The following TRIQK variants were observed in gnomAD, a reference collection of about 807,000 sequenced individuals.
TRIQK encodes the protein triple QxxK/R motif-containing protein.
A neutral mutation model predicts 10.8 loss-of-function variants in TRIQK; 10 were observed. That is an observed-to-expected ratio of 0.92 (90% CI 0.57 to 1.57). The LOEUF is 1.57. Among genes scored for constraint, TRIQK ranks in the 40% most tolerant of loss-of-function variants. The probability of loss-of-function intolerance (pLI) is 0.00; values close to 1 mark genes in which losing one functional copy is unlikely to be tolerated. For missense variants in TRIQK, 107 were observed against 97.7 expected, an observed-to-expected ratio of 1.09 and a Z score of -0.40; for synonymous variants, 33 against 33.7, an observed-to-expected ratio of 0.98 and a Z score of 0.07.
At chr8:92,945,256 CT>C (rs1811471090) in intron 2 of TRIQK, among the ~76,000 whole-genome samples, 1 of 152,142 alleles carries the variant, frequency 6.6e-6, no homozygotes, top group Non-Finnish European at 1.5e-5. Context: ...GTTGCTTCCC[CT>C]GTAGTGAAGA....
chr8:92,903,303 T>C (rs1026079887), intron 3 of TRIQK, among the ~76,000 whole-genome samples: 1 of 151,870 alleles, frequency 6.6e-6, no homozygotes, highest in Non-Finnish European at 1.5e-5. Context: ...GCTTTGACAT[T>C]TGTCATTGGT....
At chr8:92,911,240 T>C (rs1273664750) in intron 3 of TRIQK, among the ~76,000 whole-genome samples, 4 of 150,852 alleles carry the variant, frequency 2.7e-5, no homozygotes, top group Non-Finnish European at 5.9e-5. Flanking sequence ...AAAAAACTAA[T>C]AATAGATACA....
intron 1 of TRIQK, among the ~76,000 whole-genome samples, chr8:92,977,369 T>TC (rs1812943858): frequency 6.6e-6 from 1 of 151,992 alleles, no homozygotes; most frequent in African/African-American, 2.4e-5. Context: ...TCTCTTTTTT[T>TC]CTCTCTGTAT....
At chr8:92,940,627 A>G (rs1811220918) in intron 2 of TRIQK, among the ~76,000 whole-genome samples, 1 of 152,224 alleles carries the variant, frequency 6.6e-6, no homozygotes, top group Non-Finnish European at 1.5e-5. Context: ...AAATAAATAA[A>G]GCAAATATTA....
chr8:93,003,266 A>T (rs1813232692), intron 1 of TRIQK, among the ~76,000 whole-genome samples: 1 of 150,624 alleles, frequency 6.6e-6, no homozygotes, highest in African/African-American at 2.4e-5. Flanking sequence ...GCTTACAATC[A>T]TGATGGAAAG....
intron 1 of TRIQK, chr8:92,963,601 AG>A (rs1369605530): frequency 6.6e-6 from 1 of 152,186 alleles, no homozygotes; most frequent in Admixed American, 6.5e-5. Context: ...TCATCTCAAA[AG>A]TACAATTTTG....
chr8:93,015,781 A>G lies in TRIQK; in HGVS notation c.-181+1828T>C, dbSNP rs905657481. ...TTTTTCTTTTTTTTCTATTCAACTG[A>G]TATAAATGTTTTATGAAGGTTTCAG... On this transcript the variant is annotated intron_variant, in intron 1 of 4. Coordinates refer to the TRIQK transcript ENST00000520686. 1.2e-4 allele frequency among the ~76,000 whole-genome samples: 18 copies of G among 152,090 alleles called. 1 individual carries two copies. The highest frequency in any genetic ancestry group is 1.2e-3 in the East Asian group (6 of 5,186).
rs2130756836 is a variant in TRIQK, at chr8:93,001,249, G to T, written c.-181+16360C>A. Among the ~76,000 whole-genome samples, 3 of 151,160 alleles carry T rather than the reference G, an allele frequency of 2.0e-5. 1 individual carries two copies. In the South Asian group the frequency reaches 6.3e-4, roughly 32 times the overall value. On this transcript the variant is annotated intron_variant, in intron 1 of 4. Transcript: ENST00000520686. The stretch of plus-strand genomic sequence containing the variant: ...GTGAACCCAGGAGGTAGAGCTTGCA[G>T]TGAGCTGAGATTGCACCACTGCACC...
chr8:92,970,074 G>A (rs1053385222), upstream of TRIQK, among the ~76,000 whole-genome samples: 1 of 151,994 alleles, frequency 6.6e-6, no homozygotes, highest in African/African-American at 2.4e-5. Flanking sequence ...TTAGTTTGCC[G>A]AGGGTAATGG....
At chr8:92,972,301 T>C (rs1317949998) in intron 1 of TRIQK, among the ~76,000 whole-genome samples, 2 of 152,196 alleles carry the variant, frequency 1.3e-5, no homozygotes, top group African/African-American at 2.4e-5. Flanking sequence ...TTTTTCTTTG[T>C]ATTTTTTATT....
upstream of TRIQK, chr8:92,966,231 A>T (rs558730619): frequency 1.3e-5 from 2 of 152,262 alleles, no homozygotes; most frequent in African/African-American, 2.4e-5. Context: ...CCGGTCCAGG[A>T]CGCAAAGGCG....
chr8:92,925,035 T>A (rs1032700639), intron 2 of TRIQK, among the ~76,000 whole-genome samples: 2 of 152,092 alleles, frequency 1.3e-5, no homozygotes, highest in Non-Finnish European at 2.9e-5. Flanking sequence ...TGAAAATTTA[T>A]ACAAAAAGTA....
At chr8:92,911,282 G>T (rs1809551922) in intron 3 of TRIQK, among the ~76,000 whole-genome samples, 1 of 151,130 alleles carries the variant, frequency 6.6e-6, no homozygotes, top group Non-Finnish European at 1.5e-5. Flanking sequence ...ATTAGATTCA[G>T]AAGAGATAAA....
intron 4 of TRIQK, among the ~76,000 whole-genome samples, chr8:92,891,134 T>C (rs1173593554): frequency 1.3e-5 from 2 of 151,910 alleles, no homozygotes; most frequent in African/African-American, 4.8e-5. Flanking sequence ...TAGCAAATTC[T>C]GGAAGACAAC....
At chr8:92,939,332 T>G (rs952498740) in intron 2 of TRIQK, among the ~76,000 whole-genome samples, 4 of 152,110 alleles carry the variant, frequency 2.6e-5, no homozygotes, top group African/African-American at 9.7e-5. Context: ...CTGTGTGAGC[T>G]CACAGAATTG....
upstream of TRIQK, among the ~76,000 whole-genome samples, chr8:92,970,877 A>G (rs1291631846): frequency 1.3e-5 from 2 of 152,182 alleles, no homozygotes; most frequent in Admixed American, 6.5e-5. Context: ...GCCCATGTCT[A>G]TGTCCTGAAT....
At chr8:92,982,877 C>G (rs1053778795) in intron 1 of TRIQK, among the ~76,000 whole-genome samples, 1 of 151,878 alleles carries the variant, frequency 6.6e-6, no homozygotes, top group Non-Finnish European at 1.5e-5. Flanking sequence ...CCACTGCAAT[C>G]CATTTTGAAG....
intron 1 of TRIQK, among the ~76,000 whole-genome samples, chr8:92,995,983 A>G (rs1563674742): frequency 2.0e-5 from 3 of 152,090 alleles, no homozygotes; most frequent in Non-Finnish European, 4.4e-5. Flanking sequence ...GTGATATGTA[A>G]CTACCAACTG....
At chr8:92,934,584 A>G (rs1188113309) in intron 2 of TRIQK, among the ~76,000 whole-genome samples, 1 of 151,924 alleles carries the variant, frequency 6.6e-6, no homozygotes, top group African/African-American at 2.4e-5. Context: ...CTTTATTAGT[A>G]ATTAAATGTC....
Sources: allele counts gnomAD v4.1 joint callset (sites outside exome capture counted in the v4.1 genomes callset), GRCh38; gene constraint gnomAD v4.1.1; transcripts MANE v1.5; gene names NCBI Gene and HGNC (gene_info 2026-07-23, HGNC 2026-07-21).